Variants in XPO4 observed in about 807,000 individuals in gnomAD.
The protein encoded by XPO4 is exportin 4.
In XPO4, 39 loss-of-function variants were observed where a neutral mutation model predicts 143.0. The observed-to-expected ratio is 0.27, with a 90% CI of 0.21 to 0.36. The LOEUF (loss-of-function observed/expected upper bound fraction) is 0.36. Ranked by LOEUF, XPO4 falls within the 10% of genes least tolerant of loss-of-function variation. The pLI, the probability that XPO4 is intolerant of heterozygous loss-of-function variation, is 1.00. For missense variants in XPO4, 907 were observed against 1,348.0 expected (o/e 0.67, Z 5.12); for synonymous variants, 439 against 474.0 (o/e 0.93, Z 0.96).
At chr13:20,849,278 A>T in intron 4 of XPO4, 1 of 985,438 alleles carries the variant, frequency 1.0e-6, no homozygotes, top group Non-Finnish European at 1.2e-6. Context: ...GATAAGAGAG[A>T]TTAACTTGGC....
chr13:20,886,834 G>A (rs1017650270), intron 1 of XPO4, among the ~76,000 whole-genome samples: 21 of 152,156 alleles, frequency 1.4e-4, no homozygotes, highest in Non-Finnish European at 2.6e-4. Context: ...AGCACTTTGG[G>A]AGGCCAAGGC....
intron 6 of XPO4, among the ~76,000 whole-genome samples, chr13:20,836,173 T>C (rs76022240): frequency 0.012 from 1,795 of 152,272 alleles, 27 homozygotes; most frequent in African/African-American, 0.035. Context: ...CAAGGGTCAA[T>C]TGTACTTCAC....
rs757624508 is a variant in XPO4, at chr13:20,799,298, G to A, written c.2189C>T (p.Ala730Val). The A allele has an allele frequency of 6.2e-7, 1 of 1,613,932 alleles. No individual in the cohort carries two copies. Among genetic ancestry groups the A allele is most frequent in the Non-Finnish European group, 8.5e-7 (1 of 1,179,890 alleles). The change falls in exon 16 of 23, where the codon GCT (alanine) becomes GTT (valine). Residue 730 changes from alanine to valine, a missense_variant. Transcript: ENST00000255305. ...TGGGCTTCGGCTTGCAAACTGCTTA[G>A]CTAAATTCCACCAGTTCTCACATTG... Reference protein sequence around the residue: ...VIQCENWWNLAKQFASRSPPL... With the variant: ...VIQCENWWNLVKQFASRSPPL...
At chr13:20,885,504 T>C (rs1380686371) in intron 1 of XPO4, among the ~76,000 whole-genome samples, 1 of 152,112 alleles carries the variant, frequency 6.6e-6, no homozygotes, top group African/African-American at 2.4e-5. Flanking sequence ...AATTTATCAG[T>C]AATGACAAGA....
intron 6 of XPO4, among the ~76,000 whole-genome samples, chr13:20,828,410 T>C (rs1189560972): frequency 1.3e-5 from 2 of 152,194 alleles, no homozygotes; most frequent in African/African-American, 4.8e-5. Context: ...AATACTATAT[T>C]TTGAGTAAAG....
At chr13:20,890,677 T>C (rs1188190128) in intron 1 of XPO4, among the ~76,000 whole-genome samples, 1 of 151,106 alleles carries the variant, frequency 6.6e-6, no homozygotes, top group East Asian at 2.0e-4. Flanking sequence ...TGTCTGTCTG[T>C]ACCCCCAGCT....
At chr13:20,848,772 A>T (rs575063) in intron 4 of XPO4, 1 of 984,710 alleles carries the variant, frequency 1.0e-6, no homozygotes, top group Admixed American at 6.2e-5. Flanking sequence ...TTGGAAAATA[A>T]ATGATGTGTT....
intron 1 of XPO4, among the ~76,000 whole-genome samples, chr13:20,896,325 T>C (rs1371187175): frequency 6.6e-6 from 1 of 152,204 alleles, no homozygotes; most frequent in Non-Finnish European, 1.5e-5. Context: ...AATTTAGAGA[T>C]GAATGAGGGA....
intron 2 of XPO4, among the ~76,000 whole-genome samples, chr13:20,864,513 G>T (rs1168657137): frequency 6.6e-6 from 1 of 152,148 alleles, no homozygotes; most frequent in Non-Finnish European, 1.5e-5. Context: ...CCATTTTACA[G>T]GAGCTGAAGG....
chr13:20,797,276 G>A (rs2137828937), intron 16 of XPO4, among the ~76,000 whole-genome samples: 1 of 152,142 alleles, frequency 6.6e-6, no homozygotes, highest in South Asian at 2.1e-4. Flanking sequence ...GGACATAACT[G>A]TCTCCCTGCC....
intron 1 of XPO4, among the ~76,000 whole-genome samples, chr13:20,891,122 TAAAAAAAAAAA>T (rs57528913): frequency 1.7e-4 from 15 of 85,972 alleles, no homozygotes; most frequent in African/African-American, 3.1e-4. Context: ...CATCTCAATT[TAAAAAAAAAAA>T]AAAAAAAAAA....
At chr13:20,807,754 T>C (rs2059526034) in intron 12 of XPO4, 120 bp from the exon 13 acceptor site, 4 of 797,598 alleles carry the variant, frequency 5.0e-6, no homozygotes, top group Non-Finnish European at 7.1e-6. Flanking sequence ...TTATAAATGT[T>C]AACCTGTTAA....
At chr13:20,788,390 A>G in intron 20 of XPO4, 96 bp downstream of exon 20, 2 of 1,502,670 alleles carry the variant, frequency 1.3e-6, no homozygotes, top group Non-Finnish European at 1.8e-6. Context: ...TGAACCATAA[A>G]AGAAAAATGA....
At position 20,781,418 on chromosome 13, in the gene XPO4, C is replaced by T. The variant is rs552740439; in HGVS notation, c.*2304G>A. 6.5e-6 allele frequency: 1 copy of T among 152,728 alleles called. No individual in the cohort carries two copies. The highest frequency in any genetic ancestry group is 2.1e-4 in the South Asian group (1 of 4,822). The allele number at this position is 152,728 out of a possible 1,614,324, so 9.5% of individuals were successfully genotyped here. Reference sequence around the variant, plus strand: ...CCTAAAAAATGGTAGTGGCTTCTCCCCACCCCAGTGAGCTAATATTCAACA... The same window carrying T: ...CCTAAAAAATGGTAGTGGCTTCTCCTCACCCCAGTGAGCTAATATTCAACA... On this transcript the variant is annotated 3_prime_UTR_variant, in exon 23 of 23. Coordinates refer to ENST00000255305, the MANE Select transcript of XPO4 (RefSeq NM_022459.5).
At chr13:20,798,873 T>A (rs1024747512) in intron 16 of XPO4, among the ~76,000 whole-genome samples, 1 of 151,636 alleles carries the variant, frequency 6.6e-6, no homozygotes, top group African/African-American at 2.4e-5. Context: ...AAACAAAAAT[T>A]AGCTGGGTAT....
At chr13:20,892,032 TTTTG>T (rs1041711111) in intron 1 of XPO4, among the ~76,000 whole-genome samples, 3 of 137,440 alleles carry the variant, frequency 2.2e-5, no homozygotes, top group Non-Finnish European at 4.6e-5. Context: ...TTTTGTTTTG[TTTTG>T]TTTTTTTTTT....
intron 1 of XPO4, among the ~76,000 whole-genome samples, chr13:20,899,016 T>A (rs1339083351): frequency 6.6e-6 from 1 of 151,976 alleles, no homozygotes; most frequent in East Asian, 1.9e-4. Flanking sequence ...AAAATATTTT[T>A]AAAAAATTAC....
At chr13:20,832,220 C>T (rs1363306607) in intron 6 of XPO4, among the ~76,000 whole-genome samples, 1 of 152,174 alleles carries the variant, frequency 6.6e-6, no homozygotes, top group Non-Finnish European at 1.5e-5. Context: ...GATAATCCTA[C>T]TAAATCTTCT....
At chr13:20,858,868 C>T (rs2060168967) in intron 3 of XPO4, among the ~76,000 whole-genome samples, 1 of 150,510 alleles carries the variant, frequency 6.6e-6, no homozygotes, top group African/African-American at 2.5e-5. Context: ...AAGACTTCGT[C>T]TCAAGAAAAA....
Sources: allele counts gnomAD v4.1 joint callset (sites outside exome capture counted in the v4.1 genomes callset), GRCh38; gene constraint gnomAD v4.1.1; transcripts MANE v1.5; gene names NCBI Gene and HGNC (gene_info 2026-07-23, HGNC 2026-07-21).